PRKCA: variants seen among roughly 807,000 people sequenced by gnomAD.
PRKCA encodes protein kinase C alpha type.
In PRKCA, 27 loss-of-function variants were observed where a neutral mutation model predicts 87.0. That is an observed-to-expected ratio of 0.31 (90% CI 0.23 to 0.43). The LOEUF is 0.43. PRKCA is among the 20% of genes least tolerant of loss of function. PRKCA has a pLI of 1.00. For missense variants in PRKCA, 518 were observed against 852.3 expected (o/e 0.61, Z 4.88); for synonymous variants, 329 against 311.1 (o/e 1.06, Z -0.61).
chr17:66,754,925 A>G (rs1974514155), intron 13 of PRKCA, among the ~76,000 whole-genome samples: 1 of 152,034 alleles, frequency 6.6e-6, no homozygotes, highest in South Asian at 2.1e-4. Flanking sequence ...TACCTCCCTC[A>G]AGGCCTTACC....
Position 66,645,461 on chromosome 17 carries a change from G to A in PRKCA, c.479G>A (p.Gly160Glu), listed in dbSNP as rs2143819690. 1 of 1,614,184 alleles carries A rather than the reference G, an allele frequency of 6.2e-7. No homozygotes were observed. Among genetic ancestry groups the A allele is most frequent in the Non-Finnish European group, 8.5e-7 (1 of 1,180,030 alleles). ...GGAATGGATCACACTGAGAAGAGGGGGCGGATTTACCTAAAGGCTGAGGTT... is the reference window on the plus strand; with the variant it reads ...GGAATGGATCACACTGAGAAGAGGGAGCGGATTTACCTAAAGGCTGAGGTT... The part of the protein sequence containing the change: ...LCGMDHTEKR[G>E]RIYLKAEVAD... The change falls in exon 5 of 17, where the codon GGG becomes GAG. Residue 160 changes from glycine (G) to glutamate (E), a missense_variant. Gly to Glu is a moderately conservative substitution (Grantham distance 98). Around this residue, in one of 5 missense-constraint regions of PRKCA, gnomAD observed 300 missense variants for 496.8 expected, o/e 0.60. Transcript: ENST00000413366.
intron 2 of PRKCA, among the ~76,000 whole-genome samples, chr17:66,426,445 A>C (rs186566746): frequency 2.4e-4 from 36 of 152,318 alleles, no homozygotes; most frequent in Admixed American, 6.5e-4. Context: ...AGGTTGTGTC[A>C]ATGGTCCAGG....
chr17:66,353,892 T>A (rs373053177), intron 2 of PRKCA, among the ~76,000 whole-genome samples: 34 of 152,274 alleles, frequency 2.2e-4, no homozygotes, highest in African/African-American at 8.2e-4. Context: ...TGGGAACTTT[T>A]TTTTTTTCAC....
rs200704211 is a variant in PRKCA at position 66,555,987 on chromosome 17, CT to C, written c.288+59714del. ...TTGTCAAATGCATTTTCCTCTACTA[CT>C]TTTTTTTTTCTTTTTAAAGAAAGAT... On this transcript the variant is annotated intron_variant, in intron 3 of 16. Transcript: ENST00000413366. Among the ~76,000 whole-genome samples, 498 of 149,790 alleles carry C rather than the reference CT, an allele frequency of 3.3e-3. 3 individuals carry two copies. The highest frequency in any genetic ancestry group is 5.1e-3 in the Non-Finnish European group (346 of 67,248).
chr17:66,477,526 C>T (rs572667598), intron 2 of PRKCA, among the ~76,000 whole-genome samples: 7 of 152,166 alleles, frequency 4.6e-5, no homozygotes, highest in African/African-American at 1.7e-4. Flanking sequence ...ACGGTGAAAC[C>T]CCGTCTCTAC....
chr17:66,654,208 T>C (rs1017897352), intron 5 of PRKCA, among the ~76,000 whole-genome samples: 1 of 152,160 alleles, frequency 6.6e-6, no homozygotes, highest in African/African-American at 2.4e-5. Flanking sequence ...ATGGAAATGC[T>C]AACAAGATCC....
At chr17:66,730,871 T>C (rs1265418461) in intron 8 of PRKCA, among the ~76,000 whole-genome samples, 1 of 152,178 alleles carries the variant, frequency 6.6e-6, no homozygotes. Context: ...ATGGTGGTGC[T>C]CCAAGAGGGA....
chr17:66,372,428 AG>A (rs113829578), intron 2 of PRKCA, among the ~76,000 whole-genome samples: 1 of 151,894 alleles, frequency 6.6e-6, no homozygotes, highest in East Asian at 1.9e-4. Context: ...ATGAATCACT[AG>A]GTTTTTTTTA....
intron 2 of PRKCA, among the ~76,000 whole-genome samples, chr17:66,387,497 G>A (rs1367633309): frequency 1.3e-5 from 2 of 152,206 alleles, no homozygotes; most frequent in African/African-American, 2.4e-5. Context: ...TGCATCTTTT[G>A]TGGAGGCTCC....
chr17:66,652,941 G>A (rs911542803), intron 5 of PRKCA, among the ~76,000 whole-genome samples: 8 of 152,202 alleles, frequency 5.3e-5, no homozygotes, highest in Non-Finnish European at 1.0e-4. Flanking sequence ...TCAACCCAAC[G>A]CTGTGTTTCC....
intron 5 of PRKCA, among the ~76,000 whole-genome samples, 182 bp downstream of exon 5, chr17:66,645,693 T>C (rs910538479): frequency 5.9e-5 from 9 of 152,102 alleles, no homozygotes; most frequent in Admixed American, 4.6e-4. Context: ...TTAATACACC[T>C]CCCAGGAGAT....
intron 3 of PRKCA, among the ~76,000 whole-genome samples, chr17:66,632,094 G>A (rs891740870): frequency 3.9e-5 from 6 of 151,966 alleles, no homozygotes; most frequent in Non-Finnish European, 5.9e-5. Context: ...AGGTGGTTGC[G>A]CCCCAGTTCC....
intron 2 of PRKCA, among the ~76,000 whole-genome samples, chr17:66,356,780 C>T (rs1173665070): frequency 6.6e-6 from 1 of 152,172 alleles, no homozygotes; most frequent in South Asian, 2.1e-4. Flanking sequence ...TAGGGTCTTA[C>T]TCCAATTTCC....
intron 5 of PRKCA, among the ~76,000 whole-genome samples, chr17:66,648,980 G>A (rs1019454200): frequency 1.9e-4 from 29 of 151,928 alleles, no homozygotes; most frequent in African/African-American, 6.5e-4. Flanking sequence ...TGTAGTCCCA[G>A]GTACTCAGGA....
intron 13 of PRKCA, among the ~76,000 whole-genome samples, chr17:66,753,964 A>G (rs1352669626): frequency 2.6e-5 from 4 of 152,110 alleles, no homozygotes; most frequent in African/African-American, 9.7e-5. Flanking sequence ...AAGCCAACCA[A>G]TACAGGAAGG....
intron 13 of PRKCA, among the ~76,000 whole-genome samples, chr17:66,760,049 G>C (rs922922531): frequency 3.9e-5 from 6 of 152,204 alleles, no homozygotes; most frequent in Admixed American, 3.3e-4. Context: ...GGACGGAGTT[G>C]AACTCAGCAA....
chr17:66,740,706 A>T (rs1974141459), intron 11 of PRKCA, among the ~76,000 whole-genome samples: 1 of 152,228 alleles, frequency 6.6e-6, no homozygotes, highest in Non-Finnish European at 1.5e-5. Flanking sequence ...AAGCTTGGTC[A>T]CACAGGACTG....
At chr17:66,604,417 G>T (rs1970151138) in intron 3 of PRKCA, among the ~76,000 whole-genome samples, 1 of 152,188 alleles carries the variant, frequency 6.6e-6, no homozygotes, top group Non-Finnish European at 1.5e-5. Flanking sequence ...TGTTTTGTTT[G>T]TAAGAGGAAA....
rs186607403 is a variant in PRKCA at position 66,384,422 on chromosome 17, A to G, written c.205+78295A>G. 2.5e-4 allele frequency among the ~76,000 whole-genome samples: 38 copies of G among 152,370 alleles called. 5 individuals carry two copies. The East Asian group carries it at 7.1e-3, about 29-fold the overall frequency. On this transcript the variant is annotated intron_variant, in intron 2 of 16. Coordinates refer to ENST00000413366, the MANE Select transcript of PRKCA (RefSeq NM_002737.3). ...ATTTTCTCGCACATTTCCTAAGAGA[A>G]TTACAAATATGAAAAGCTGTGGATA...
Sources: gnomAD v4.1 joint callset for allele counts (sites outside exome capture counted in the v4.1 genomes callset) on GRCh38, gnomAD v4.1.1 for gene constraint, gnomAD v4.1.1 regional missense constraint, MANE v1.5 for transcripts, NCBI Gene and HGNC (gene_info 2026-07-23, HGNC 2026-07-21) for gene names.